The following ITGB4 variants were observed in gnomAD, a reference collection of about 807,000 sequenced individuals.
ITGB4 encodes the protein integrin subunit beta 4.
ITGB4 carries 159 observed loss-of-function variants against 207.6 expected under a neutral mutation model. That is an observed-to-expected ratio of 0.77 (90% CI 0.67 to 0.87). The LOEUF (loss-of-function observed/expected upper bound fraction) is 0.87. Ranked by LOEUF, ITGB4 falls within the 40% of genes least tolerant of loss-of-function variation. The pLI is 0.00. For synonymous variants in ITGB4, 1,020 were observed against 1,062.7 expected (o/e 0.96, Z 0.78); for missense variants, 2,278 against 2,546.8 (o/e 0.89, Z 2.27).
intron 18 of ITGB4, among the ~76,000 whole-genome samples, chr17:75,738,847 G>A (rs1256507364): frequency 1.3e-5 from 2 of 152,170 alleles, no homozygotes; most frequent in African/African-American, 4.8e-5. Context: ...GCACGGCTGC[G>A]CGTGCCTGTA....
At chr17:75,745,943 A>C (rs1391085731) in intron 26 of ITGB4, among the ~76,000 whole-genome samples, 1 of 152,212 alleles carries the variant, frequency 6.6e-6, no homozygotes, top group African/African-American at 2.4e-5. Context: ...CCACAGGCCC[A>C]TTCAGCAAAC....
intron 13 of ITGB4, among the ~76,000 whole-genome samples, chr17:75,735,083 G>A (rs146147855): frequency 4.0e-5 from 6 of 151,392 alleles, no homozygotes; most frequent in Admixed American, 3.9e-4. Context: ...CAATTTTATT[G>A]ATTGATTGAT....
At chr17:75,754,369 G>A (rs2061438305) in intron 33 of ITGB4, 2 of 627,824 alleles carry the variant, frequency 3.2e-6, no homozygotes, top group Non-Finnish European at 5.6e-6. Context: ...TGGCCGGCCA[G>A]AGGATATGGG....
At chr17:75,754,524 G>C (rs192827806) in intron 33 of ITGB4, 52 bp from the exon 34 acceptor site, 3 of 1,611,262 alleles carry the variant, frequency 1.9e-6, no homozygotes, top group Admixed American at 1.7e-5. Flanking sequence ...CTGCCCCACG[G>C]GGCCCGGGTC....
intron 32 of ITGB4, among the ~76,000 whole-genome samples, chr17:75,753,437 G>C (rs534745908): frequency 6.6e-6 from 1 of 152,318 alleles, no homozygotes; most frequent in South Asian, 2.1e-4. Context: ...CTGAGTCTCG[G>C]AGAGGTTAAG....
chr17:75,734,852 G>A (rs1442835146), intron 13 of ITGB4, among the ~76,000 whole-genome samples: 2 of 152,210 alleles, frequency 1.3e-5, no homozygotes, highest in Admixed American at 6.5e-5. Flanking sequence ...TCTGGGGAAG[G>A]AGGCAGGGCC....
chr17:75,740,435 C>T lies in ITGB4; in HGVS notation c.2524C>T (p.Gln842Ter), dbSNP rs1191616106. 3 of 1,613,668 alleles carry T rather than the reference C, an allele frequency of 1.9e-6. No individual in the cohort carries two copies. The highest frequency in any genetic ancestry group is 1.7e-5 in the Admixed American group (1 of 59,996). ...GAAGCCTGACACTCGGGAGTGCGCC[C>T]AGCTGCGCCAGGAGGTGGAGGAGAA... is the stretch of plus-strand genomic sequence containing the variant. ...LLKPDTRECA[Q>*]LRQEVEENLN... The change falls in exon 21 of 40, where the codon CAG becomes TAG. Residue 842 changes from glutamine to a stop codon, truncating the protein, a stop_gained. Transcript: ENST00000200181. LOFTEE classifies it high-confidence loss of function. The surrounding 1 kb of genome is among the most constrained non-coding windows in gnomAD (Gnocchi z 5.9).
intron 15 of ITGB4, 60 bp from the exon 16 acceptor site, chr17:75,736,504 CG>C (rs940242314): frequency 1.9e-6 from 3 of 1,595,710 alleles, no homozygotes; most frequent in Non-Finnish European, 2.6e-6. Flanking sequence ...GTTTGGGGAG[CG>C]GGGGTCTGGC....
intron 13 of ITGB4, 143 bp from the exon 14 acceptor site, chr17:75,735,908 T>C (rs1032691508): frequency 2.5e-5 from 19 of 772,684 alleles, no homozygotes; most frequent in African/African-American, 1.0e-4. Flanking sequence ...TCCAGGAAAG[T>C]GAGGAAGAGA....
chr17:75,739,870 C>T lies in ITGB4; in HGVS notation c.2255-10C>T. 6.2e-7 allele frequency: 1 copy of T among 1,613,536 alleles called. No homozygotes were observed. The highest frequency in any genetic ancestry group is 1.1e-5 in the South Asian group (1 of 91,084). The stretch of plus-strand genomic sequence containing the variant: ...GGGAGGGGTGCCGTGCTGAGGACCC[C>T]ATCCTGCAGGTCACATGGTGGGCTT... On this transcript the variant is annotated splice_polypyrimidine_tract_variant and intron_variant, in intron 19 of 39. Coordinates refer to ENST00000200181, the MANE Select transcript of ITGB4 (RefSeq NM_000213.5). This position sits in a 1 kb window ranked among gnomAD's most constrained non-coding sequence, Gnocchi z 5.4.
At chr17:75,751,248 T>A in intron 30 of ITGB4, 137 bp downstream of exon 30, 5 of 1,058,846 alleles carry the variant, frequency 4.7e-6, no homozygotes, top group Non-Finnish European at 7.0e-6. Flanking sequence ...GGTCAGCGGA[T>A]AAGCCTGAGG....
Position 75,740,051 on chromosome 17 carries a change from G to C in ITGB4, c.2426G>C (p.Ser809Thr), listed in dbSNP as rs138499170. Residue 809 changes from serine to threonine, a missense_variant, in exon 20 of 40, where the codon AGC becomes ACC. Coordinates refer to ENST00000200181, the MANE Select transcript of ITGB4 (RefSeq NM_000213.5). This position sits in a 1 kb window ranked among gnomAD's most constrained non-coding sequence, Gnocchi z 5.9. ...CCTGGCTTTGCCACTCATGCCGCCA[G>C]CATCAACCCCACAGAGCTGGGTGAG... is the stretch of plus-strand genomic sequence containing the variant. ...QRPGFATHAA[S>T]INPTELVPYG... The C allele has an allele frequency of 6.2e-7, 1 of 1,612,502 alleles. No individual in the cohort carries two copies. The highest frequency in any genetic ancestry group is 1.1e-5 in the South Asian group (1 of 91,062).
In ITGB4 at chr17:75,736,069, T is replaced by A; in HGVS notation, c.1676T>A (p.Met559Lys). 1 of 1,614,130 alleles carries A rather than the reference T, an allele frequency of 6.2e-7. No individual in the cohort carries two copies. The highest frequency in any genetic ancestry group is 8.5e-7 in the Non-Finnish European group (1 of 1,180,016). ...FLCNDRGRCS[M>K]GQCVCEPGWT... ...TCTGCAGACCGAGGACGCTGCTCCA[T>A]GGGCCAGTGTGTGTGTGAGCCTGGT... The change falls in exon 14 of 40, where the codon ATG becomes AAG. Residue 559 changes from methionine (M) to lysine (K), a missense_variant. Met to Lys is a moderately conservative substitution (Grantham distance 95). Coordinates refer to ENST00000200181, the MANE Select transcript of ITGB4 (RefSeq NM_000213.5).
At position 75,750,278 on chromosome 17, in the gene ITGB4, GGGGCTGAGGGTCACGACAGGT is replaced by G. The variant is rs751206592; in HGVS notation, c.3474+13_3474+33del. On this transcript the variant is annotated intron_variant, in intron 28 of 39. Transcript: ENST00000200181. The surrounding 1 kb of genome is among the most constrained non-coding windows in gnomAD (Gnocchi z 5.5). ...GCCAATGGGGTACAGGGTAAGGCGG[GGGGCTGAGGGTCACGACAGGT>G]GGATGGGCGGTCTGGCACCAGCACT... is the stretch of plus-strand genomic sequence containing the variant. 18 of 1,604,694 alleles carry G rather than the reference GGGGCTGAGGGTCACGACAGGT, an allele frequency of 1.1e-5. No homozygotes were observed. The Admixed American group carries it at 2.2e-4, about 19-fold the overall frequency.
At chr17:75,754,906 GC>G in intron 34 of ITGB4, 91 bp downstream of exon 34, 2 of 1,581,342 alleles carry the variant, frequency 1.3e-6, no homozygotes, top group Non-Finnish European at 1.7e-6. Flanking sequence ...TGTCCCCACC[GC>G]CCATTCTCCA....
Position 75,736,384 on chromosome 17 carries a change from G to A in ITGB4, c.1858G>A (p.Ala620Thr). 1 of 1,614,086 alleles carries A rather than the reference G, an allele frequency of 6.2e-7. No individual in the cohort carries two copies. Among genetic ancestry groups the A allele is most frequent in the Non-Finnish European group, 8.5e-7 (1 of 1,179,944 alleles). ...CACCATCTGCGAGATCAACTACTCGGCGGTGAGGCTAAGACCTACGAGGTG... is the reference window on the plus strand; with the variant it reads ...CACCATCTGCGAGATCAACTACTCGACGGTGAGGCTAAGACCTACGAGGTG... ...TDTICEINYSAIHPGLCEDLR... is the reference protein window; with the variant it reads ...TDTICEINYSTIHPGLCEDLR... The change falls in exon 15 of 40, where the codon GCG (alanine) becomes ACG (threonine). Residue 620 changes from alanine (A) to threonine (T), a missense_variant and splice_region_variant. Physicochemically the swap from Ala to Thr is moderately conservative, Grantham distance 58. Transcript: ENST00000200181.
intron 33 of ITGB4, 142 bp from the exon 34 acceptor site, chr17:75,754,434 C>T: frequency 9.7e-7 from 1 of 1,028,744 alleles, no homozygotes; most frequent in Non-Finnish European, 1.5e-6. Flanking sequence ...GCCTCTGTCC[C>T]TAGTGGTTTG....
chr17:75,740,384 G>A lies in ITGB4; in HGVS notation c.2473G>A (p.Ala825Thr), dbSNP rs1390708155. Reference sequence around the variant, plus strand: ...GCCCTACGGGCTGTCCTTGCGCCTGGCCCGCCTTTGCACCGAGAACCTGCT... The same window carrying A: ...GCCCTACGGGCTGTCCTTGCGCCTGACCCGCCTTTGCACCGAGAACCTGCT... ...LVPYGLSLRLARLCTENLLKP... is the reference protein window; with the variant it reads ...LVPYGLSLRLTRLCTENLLKP... Residue 825 changes from alanine (A) to threonine (T), a missense_variant, in exon 21 of 40, where the codon GCC becomes ACC. Ala to Thr is a moderately conservative substitution (Grantham distance 58). Coordinates refer to ENST00000200181, the MANE Select transcript of ITGB4 (RefSeq NM_000213.5). The surrounding 1 kb of genome is among the most constrained non-coding windows in gnomAD (Gnocchi z 5.9). 6.2e-7 allele frequency: 1 copy of A among 1,613,694 alleles called. No homozygotes were observed. Among genetic ancestry groups the A allele is most frequent in the Non-Finnish European group, 8.5e-7 (1 of 1,180,010 alleles).
rs2061094276 is a variant in ITGB4, at chr17:75,740,913, A to T, written c.2609+62A>T. Reference sequence around the variant, plus strand: ...GCTCCTACCGGGACTCCAGGAGCCGAAGCCCCCAGGCCGATCAGGCCTCCA... The same window carrying T: ...GCTCCTACCGGGACTCCAGGAGCCGTAGCCCCCAGGCCGATCAGGCCTCCA... On this transcript the variant is annotated intron_variant, in intron 22 of 39. Coordinates refer to ENST00000200181, the MANE Select transcript of ITGB4 (RefSeq NM_000213.5). The surrounding 1 kb of genome is among the most constrained non-coding windows in gnomAD (Gnocchi z 5.9). The T allele has an allele frequency of 6.2e-7, 1 of 1,613,320 alleles. No homozygotes were observed. Among genetic ancestry groups the T allele is most frequent in the South Asian group, 1.1e-5 (1 of 91,070 alleles).
Sources: allele counts gnomAD v4.1 joint callset (sites outside exome capture counted in the v4.1 genomes callset), GRCh38; gene constraint gnomAD v4.1.1; non-coding constraint Gnocchi (gnomAD v3.1); transcripts MANE v1.5; gene names NCBI Gene and HGNC (gene_info 2026-07-23, HGNC 2026-07-21).